Variants in TENM2 observed in about 807,000 individuals in gnomAD.
The protein encoded by TENM2 is teneurin transmembrane protein 2.
Under a neutral mutation model 245.2 loss-of-function variants are expected in TENM2, and 52 were observed. That is an observed-to-expected ratio of 0.21 (90% CI 0.17 to 0.27). TENM2 has a LOEUF of 0.27. Ranked by LOEUF, TENM2 falls within the 10% of genes least tolerant of loss-of-function variation. The probability of loss-of-function intolerance (pLI) is 1.00; values close to 1 mark genes in which losing one functional copy is unlikely to be tolerated. For missense variants in TENM2, 3,046 were observed against 3,666.8 expected (o/e 0.83, Z 4.37); for synonymous variants, 1,363 against 1,438.9 (o/e 0.95, Z 1.19).
chr5:168,151,177 A>T (rs1756622004), intron 12 of TENM2, among the ~76,000 whole-genome samples: 1 of 152,172 alleles, frequency 6.6e-6, no homozygotes, highest in Admixed American at 6.5e-5. Flanking sequence ...CACCTCACAC[A>T]ACTCTTGCGT....
At chr5:168,147,314 C>T (rs946647101) in intron 12 of TENM2, among the ~76,000 whole-genome samples, 2 of 152,224 alleles carry the variant, frequency 1.3e-5, no homozygotes, top group Admixed American at 6.5e-5. Flanking sequence ...ACCATCATTT[C>T]GAATCTCTTG....
chr5:167,686,249 A>G (rs986303848), intron 2 of TENM2, among the ~76,000 whole-genome samples: 5 of 152,358 alleles, frequency 3.3e-5, no homozygotes, highest in Middle Eastern at 3.4e-3. Flanking sequence ...TTCATGCTTA[A>G]TGACCAAAAA....
At chr5:167,467,491 A>T (rs1766738184) in intron 2 of TENM2, among the ~76,000 whole-genome samples, 1 of 141,652 alleles carries the variant, frequency 7.1e-6, no homozygotes, top group Non-Finnish European at 1.5e-5. Context: ...TGAAGGTAAG[A>T]TAGGTCATTA....
At chr5:167,173,924 A>G in the TENM2 span, among the ~76,000 whole-genome samples, 1 of 152,192 alleles carries the variant, frequency 6.6e-6, no homozygotes, top group Admixed American at 6.5e-5. Flanking sequence ...ATTCTTTTCC[A>G]GACACATCTT....
At chr5:167,567,889 T>C (rs1562061812) in intron 2 of TENM2, among the ~76,000 whole-genome samples, 1 of 152,004 alleles carries the variant, frequency 6.6e-6, no homozygotes, top group Non-Finnish European at 1.5e-5. Context: ...CCCATCAGAA[T>C]TGCATGCCCA....
chr5:167,633,634 A>G (rs931761694), intron 2 of TENM2, among the ~76,000 whole-genome samples: 1 of 152,196 alleles, frequency 6.6e-6, no homozygotes, highest in Admixed American at 6.5e-5. Flanking sequence ...TGGTGGAAGC[A>G]ATCAACCTAA....
intron 2 of TENM2, among the ~76,000 whole-genome samples, chr5:167,663,614 G>A (rs558327526): frequency 1.5e-4 from 23 of 151,892 alleles, no homozygotes; most frequent in Admixed American, 2.0e-4. Context: ...TCAGATTACT[G>A]TCCCATCTTC....
At chr5:167,941,872 A>G (rs1779207473) in intron 3 of TENM2, among the ~76,000 whole-genome samples, 1 of 150,998 alleles carries the variant, frequency 6.6e-6, no homozygotes, top group Non-Finnish European at 1.5e-5. Context: ...AACACACACA[A>G]AAATCTAAAT....
chr5:168,045,265 A>T (rs1480411316), intron 5 of TENM2, among the ~76,000 whole-genome samples: 4 of 152,268 alleles, frequency 2.6e-5, no homozygotes, highest in African/African-American at 7.2e-5. Flanking sequence ...GGATACTTTT[A>T]AAAAATAAAA....
chr5:167,015,993 C>T, the TENM2 span, among the ~76,000 whole-genome samples: 4 of 151,862 alleles, frequency 2.6e-5, no homozygotes, highest in African/African-American at 7.3e-5. Context: ...GGTGGCTCAC[C>T]CCTGTAATCC....
exon 19 of TENM2, chr5:168,204,620 C>G: frequency 1.2e-6 from 2 of 1,612,922 alleles, no homozygotes; most frequent in Non-Finnish European, 1.7e-6. Context: ...CTTGGAGTTA[C>G]GGTAAATGGC....
At chr5:168,254,936 A>G (rs925011679) in intron 27 of TENM2, among the ~76,000 whole-genome samples, 2 of 152,074 alleles carry the variant, frequency 1.3e-5, no homozygotes, top group African/African-American at 4.8e-5. Flanking sequence ...GATCCCAGCT[A>G]CTAGAGAAGC....
chr5:167,677,827 G>A (rs1231454418), intron 2 of TENM2, among the ~76,000 whole-genome samples: 1 of 151,212 alleles, frequency 6.6e-6, no homozygotes, highest in Non-Finnish European at 1.5e-5. Context: ...TGAATAGAAT[G>A]TGGTTCAAAT....
In TENM2 at chr5:168,212,641, G is replaced by A. The variant is rs142743434; in HGVS notation, c.3845+887G>A. ...ACAAGATCATAACAGTCAGTGGAAA[G>A]GCCATGCATTGACAAAGTCCTCTGT... On this transcript the variant is annotated intron_variant, in intron 20 of 28. Coordinates refer to ENST00000518659, the Ensembl canonical transcript of TENM2. 3.9e-4 allele frequency among the ~76,000 whole-genome samples: 60 copies of A among 152,288 alleles called. 2 individuals carry two copies. The East Asian group carries it at 0.011, about 28-fold the overall frequency.
intron 2 of TENM2, among the ~76,000 whole-genome samples, chr5:167,418,067 C>T (rs1484049265): frequency 1.3e-5 from 2 of 152,132 alleles, no homozygotes; most frequent in East Asian, 1.9e-4. Flanking sequence ...CGGTGGCTCA[C>T]GCCTGTAATC....
chr5:167,179,044 T>C, the TENM2 span, among the ~76,000 whole-genome samples: 2 of 152,204 alleles, frequency 1.3e-5, no homozygotes, highest in African/African-American at 4.8e-5. Flanking sequence ...ATGGATTGAT[T>C]TCACCCCCAA....
chr5:167,653,660 C>G (rs942942347), intron 2 of TENM2: 4 of 152,182 alleles, frequency 2.6e-5, no homozygotes, highest in Admixed American at 2.6e-4. Context: ...CTCTTCCAAG[C>G]CTTCAGCCAA....
exon 19 of TENM2, chr5:168,204,539 G>A (rs781126642): frequency 8.7e-6 from 14 of 1,614,030 alleles, no homozygotes; most frequent in East Asian, 2.2e-5. Context: ...TGTTGGAATC[G>A]ATGGGAGCCT....
the TENM2 span, among the ~76,000 whole-genome samples, chr5:167,074,711 T>A: frequency 6.6e-6 from 1 of 152,252 alleles, no homozygotes; most frequent in Non-Finnish European, 1.5e-5. Context: ...TTCCTCTTGC[T>A]GGCTCCATAC....
Sources: gnomAD v4.1 joint callset for allele counts (sites outside exome capture counted in the v4.1 genomes callset) on GRCh38, gnomAD v4.1.1 for gene constraint, MANE v1.5 for transcripts, NCBI Gene and HGNC (gene_info 2026-07-23, HGNC 2026-07-21) for gene names.